Variants in TRERF1 observed in about 807,000 individuals in gnomAD.
TRERF1 encodes transcriptional regulating factor 1, also known as transcriptional-regulating factor 1.
A neutral mutation model predicts 122.9 loss-of-function variants in TRERF1; 27 were observed. The observed-to-expected ratio is 0.22, with a 90% CI of 0.16 to 0.30. The LOEUF is 0.30. TRERF1 is among the 10% of genes least tolerant of loss of function. The probability of loss-of-function intolerance (pLI) is 1.00; values close to 1 mark genes in which losing one functional copy is unlikely to be tolerated. For missense variants in TRERF1, 1,248 were observed against 1,560.3 expected (o/e 0.80, Z 3.37); for synonymous variants, 636 against 641.7 (o/e 0.99, Z 0.13).
chr6:42,441,560 C>T (rs761210122), intron 2 of TRERF1, among the ~76,000 whole-genome samples: 1 of 152,076 alleles, frequency 6.6e-6, no homozygotes, highest in Non-Finnish European at 1.5e-5. Context: ...GAAAATATTT[C>T]TCAGGTCTGG....
chr6:42,345,563 C>T (rs1224907257), intron 3 of TRERF1, among the ~76,000 whole-genome samples: 1 of 152,242 alleles, frequency 6.6e-6, no homozygotes, highest in Non-Finnish European at 1.5e-5. Flanking sequence ...AGCTATTTCA[C>T]TGCCTCTCCA....
intron 2 of TRERF1, among the ~76,000 whole-genome samples, chr6:42,399,197 T>A (rs1779045305): frequency 6.6e-6 from 1 of 152,226 alleles, no homozygotes; most frequent in South Asian, 2.1e-4. Flanking sequence ...AAACAGAATG[T>A]ACAGAATTTT....
chr6:42,318,579 A>G (rs1274919691), intron 3 of TRERF1, among the ~76,000 whole-genome samples: 2 of 152,240 alleles, frequency 1.3e-5, no homozygotes, highest in Non-Finnish European at 2.9e-5. Context: ...AGCAGAGGTA[A>G]TGTGGACAAC....
chr6:42,254,975 T>C, intron 12 of TRERF1, 49 bp from the exon 13 acceptor site: 1 of 1,582,226 alleles, frequency 6.3e-7, no homozygotes, highest in Non-Finnish European at 8.7e-7. Flanking sequence ...CTGGTCTGTG[T>C]GTCCTATGGA....
chr6:42,399,331 C>T (rs1041247995), intron 2 of TRERF1, among the ~76,000 whole-genome samples: 10 of 152,100 alleles, frequency 6.6e-5, no homozygotes, highest in African/African-American at 1.9e-4. Flanking sequence ...CAAAAACATA[C>T]TAAACCTAAA....
At chr6:42,281,616 A>G (rs34981935) in intron 4 of TRERF1, among the ~76,000 whole-genome samples, 4,156 of 152,314 alleles carry the variant, frequency 0.027, 56 homozygotes, top group Non-Finnish European at 0.037. Context: ...CCCCTTCTCC[A>G]GACCAGCTGA....
chr6:42,320,682 G>T (rs1186856189), intron 3 of TRERF1, among the ~76,000 whole-genome samples: 2 of 151,940 alleles, frequency 1.3e-5, no homozygotes, highest in Non-Finnish European at 1.5e-5. Context: ...GCTAATTTTT[G>T]TATTTTTTAG....
chr6:42,308,144 T>C (rs74618637), intron 3 of TRERF1, among the ~76,000 whole-genome samples: 1,865 of 152,230 alleles, frequency 0.012, 39 homozygotes, highest in African/African-American at 0.042. Context: ...CGAAAATGGG[T>C]ACTCCAACAG....
chr6:42,275,092 G>A lies in TRERF1; in HGVS notation c.-258-5244C>T, dbSNP rs1780934075. ...TCTTATACAGATGGTAGCGTGCTACGCCGTGGTTTAGCATCTTGCCAAAAG... is the reference window on the plus strand; with the variant it reads ...TCTTATACAGATGGTAGCGTGCTACACCGTGGTTTAGCATCTTGCCAAAAG... On this transcript the variant is annotated intron_variant, in intron 4 of 17. Transcript: ENST00000372922. This position sits in a 1 kb window ranked among gnomAD's most constrained non-coding sequence, Gnocchi z 4.1. Among the ~76,000 whole-genome samples the A allele has an allele frequency of 6.6e-6, 1 of 152,196 alleles. No homozygotes were observed. The highest frequency in any genetic ancestry group is 1.5e-5 in the Non-Finnish European group (1 of 68,044).
chr6:42,259,257 AT>A lies in TRERF1; in HGVS notation c.2269+81del, dbSNP rs1257512219. 1 of 1,438,764 alleles carries A rather than the reference AT, an allele frequency of 7.0e-7. No individual in the cohort carries two copies. 89.1% of individuals were successfully genotyped at this position (1,438,764 alleles called of 1,614,324 possible). ...TACTCCGCAAAAGTCTGTGGGATAAATGAGAAAGCTAAAGAAAACGAGATGT... is the reference window on the plus strand; with the variant it reads ...TACTCCGCAAAAGTCTGTGGGATAAAGAGAAAGCTAAAGAAAACGAGATGT... On this transcript the variant is annotated intron_variant, in intron 9 of 17. Coordinates refer to ENST00000372922, the Ensembl canonical transcript of TRERF1. This position sits in a 1 kb window ranked among gnomAD's most constrained non-coding sequence, Gnocchi z 4.9.
intron 4 of TRERF1, among the ~76,000 whole-genome samples, chr6:42,277,855 AAGAAG>A (rs1223219660): frequency 1.4e-5 from 2 of 143,600 alleles, no homozygotes; most frequent in African/African-American, 5.5e-5. Context: ...AAGAAGAAGA[AAGAAG>A]GAAGAAGGAA....
intron 15 of TRERF1, among the ~76,000 whole-genome samples, chr6:42,240,705 G>T (rs1262510923): frequency 1.3e-5 from 2 of 152,158 alleles, no homozygotes; most frequent in African/African-American, 4.8e-5. Context: ...GGGGTTCATG[G>T]TGTATTTCCA....
At chr6:42,257,191 AAACTAGTTCTTTCTGCAAG>A in intron 10 of TRERF1, 89 bp from the exon 11 acceptor site, 1 of 1,487,280 alleles carries the variant, frequency 6.7e-7, no homozygotes, top group South Asian at 1.3e-5. Context: ...AAAAAGAAGG[AAACTAGTTCTTTCTGCAAG>A]AATGCAGGGG....
chr6:42,332,454 G>A (rs1458418438), intron 3 of TRERF1, among the ~76,000 whole-genome samples: 1 of 152,144 alleles, frequency 6.6e-6, no homozygotes, highest in Admixed American at 6.5e-5. Context: ...TGAAGCTGGG[G>A]GCAATGCCAA....
intron 15 of TRERF1, among the ~76,000 whole-genome samples, chr6:42,240,398 A>C (rs1037522703): frequency 2.6e-5 from 4 of 152,228 alleles, no homozygotes; most frequent in Admixed American, 2.6e-4. Flanking sequence ...GACAGAGCCC[A>C]GAACATTCCA....
intron 3 of TRERF1, among the ~76,000 whole-genome samples, chr6:42,306,417 T>A (rs1438120774): frequency 6.6e-6 from 1 of 152,178 alleles, no homozygotes; most frequent in East Asian, 1.9e-4. Flanking sequence ...TATAGGCAGA[T>A]CACTTAATCA....
intron 3 of TRERF1, among the ~76,000 whole-genome samples, chr6:42,344,355 T>G (rs375669286): frequency 1.4e-4 from 21 of 152,248 alleles, no homozygotes; most frequent in African/African-American, 4.1e-4. Context: ...TCTATGCATA[T>G]CACTTCCATT....
At chr6:42,383,087 G>T (rs528361232) in intron 2 of TRERF1, among the ~76,000 whole-genome samples, 1 of 152,234 alleles carries the variant, frequency 6.6e-6, no homozygotes, top group African/African-American at 2.4e-5. Flanking sequence ...TGAGTGTGGT[G>T]GTGCACAGCT....
At chr6:42,437,847 G>T (rs992759708) in intron 2 of TRERF1, among the ~76,000 whole-genome samples, 3 of 152,120 alleles carry the variant, frequency 2.0e-5, no homozygotes, top group Non-Finnish European at 4.4e-5. Context: ...TTGTTCTGAG[G>T]GTTAAAGGGG....
Sources: allele counts gnomAD v4.1 joint callset (sites outside exome capture counted in the v4.1 genomes callset), GRCh38; gene constraint gnomAD v4.1.1; non-coding constraint Gnocchi (gnomAD v3.1); transcripts MANE v1.5; gene names NCBI Gene and HGNC (gene_info 2026-07-23, HGNC 2026-07-21).